The following MTFR1 variants were observed in gnomAD, a reference collection of about 807,000 sequenced individuals.
The protein encoded by MTFR1 is chondrocyte protein with a poly-proline region.
A neutral mutation model predicts 38.8 loss-of-function variants in MTFR1; 28 were observed. That is an observed-to-expected ratio of 0.72 (90% CI 0.53 to 0.99). MTFR1 has a LOEUF of 0.99. MTFR1 is among the 50% of genes least tolerant of loss of function. The probability of loss-of-function intolerance (pLI) is 0.00; values close to 1 mark genes in which losing one functional copy is unlikely to be tolerated. For synonymous variants in MTFR1, 145 were observed against 137.0 expected (o/e 1.06, Z -0.41); for missense variants, 358 against 395.5 (o/e 0.91, Z 0.81).
At chr8:65,703,724 C>T (rs1805692355) in intron 4 of MTFR1, among the ~76,000 whole-genome samples, 1 of 151,888 alleles carries the variant, frequency 6.6e-6, no homozygotes, top group Non-Finnish European at 1.5e-5. Context: ...TGTGAGCCAC[C>T]CCACCTGGCC....
At chr8:65,724,728 A>G (rs771069170) in intron 3 of MTFR1, 2 of 1,464,580 alleles carry the variant, frequency 1.4e-6, no homozygotes, top group South Asian at 2.5e-5. Context: ...TTAGTTTGAC[A>G]GTCACATAAT....
In MTFR1 at chr8:65,727,451, C is replaced by G. The variant is rs1806658853; in HGVS notation, c.*48+7970C>G. The G allele has an allele frequency of 2.8e-6, 3 of 1,077,494 alleles. No homozygotes were observed. The African/African-American group carries it at 4.7e-5, about 17-fold the overall frequency. The allele number at this position is 1,077,494 out of a possible 1,614,324, so 66.7% of individuals were successfully genotyped here. ...TCAGGTGGTTGTTCATTAGGTTCAC[C>G]AAGCACATCTGCCAGGTCCTGATCT... On this transcript the variant is annotated intron_variant, in intron 3 of 3. Coordinates refer to the MTFR1 transcript ENST00000521247.
intron 3 of MTFR1, among the ~76,000 whole-genome samples, chr8:65,733,576 C>T (rs903281062): frequency 2.6e-5 from 4 of 151,954 alleles, no homozygotes; most frequent in Admixed American, 6.6e-5. Context: ...GCCATGATCA[C>T]GCCACTGCAC....
intron 1 of MTFR1, among the ~76,000 whole-genome samples, chr8:65,655,406 T>C (rs2129047905): frequency 6.6e-6 from 1 of 152,328 alleles, no homozygotes; most frequent in South Asian, 2.1e-4. Flanking sequence ...TCATGAGATT[T>C]ATTCCCTTGT....
intron 3 of MTFR1, among the ~76,000 whole-genome samples, chr8:65,744,370 T>C (rs564732000): frequency 7.2e-5 from 11 of 152,348 alleles, no homozygotes; most frequent in Admixed American, 3.3e-4. Flanking sequence ...TGCCTAAGGT[T>C]TAGTGGTCCT....
rs568406500 is a variant in MTFR1, at chr8:65,743,014, A to G, written c.*48+23533A>G. Among the ~76,000 whole-genome samples, 11 of 152,358 alleles carry G rather than the reference A, an allele frequency of 7.2e-5. No homozygotes were observed. In the East Asian group the frequency reaches 1.7e-3, roughly 24 times the overall value. ...CTGAGCTCACGCCGCTTTCATCACCATGCCCCCAACTAGCAGAGTATGTAC... is the reference window on the plus strand; with the variant it reads ...CTGAGCTCACGCCGCTTTCATCACCGTGCCCCCAACTAGCAGAGTATGTAC... On this transcript the variant is annotated intron_variant, in intron 3 of 3. Coordinates refer to the MTFR1 transcript ENST00000521247.
chr8:65,687,465 CCTTCCAAG>C, intron 3 of MTFR1, among the ~76,000 whole-genome samples: 1 of 151,884 alleles, frequency 6.6e-6, no homozygotes, highest in Non-Finnish European at 1.5e-5. Context: ...CCTGCCTCAG[CCTTCCAAG>C]TAGCTGGGGC....
downstream of MTFR1, among the ~76,000 whole-genome samples, chr8:65,715,234 C>T (rs1167190043): frequency 6.6e-6 from 1 of 151,892 alleles, no homozygotes; most frequent in Non-Finnish European, 1.5e-5. Context: ...TAATATAGGT[C>T]GTATTTAAGT....
intron 4 of MTFR1, among the ~76,000 whole-genome samples, chr8:65,700,492 T>C (rs991716193): frequency 2.6e-5 from 4 of 152,140 alleles, no homozygotes; most frequent in Admixed American, 2.6e-4. Flanking sequence ...TAAGGCCTCA[T>C]TGTTTTTTCT....
At chr8:65,728,747 G>A (rs1315559826) in intron 3 of MTFR1, 3 of 152,068 alleles carry the variant, frequency 2.0e-5, no homozygotes, top group Non-Finnish European at 2.9e-5. Context: ...ATGCAAAGGG[G>A]TTACATTCTT....
intron 3 of MTFR1, among the ~76,000 whole-genome samples, chr8:65,729,611 T>G (rs1451450344): frequency 6.6e-6 from 1 of 152,146 alleles, no homozygotes; most frequent in Non-Finnish European, 1.5e-5. Context: ...ATGCCCAGCC[T>G]GGAGTGCAGT....
chr8:65,658,831 G>C (rs1275795019), intron 1 of MTFR1, among the ~76,000 whole-genome samples: 2 of 152,134 alleles, frequency 1.3e-5, no homozygotes, highest in African/African-American at 4.8e-5. Context: ...CTGCACTCTG[G>C]GGTAGTTTTG....
intron 3 of MTFR1, among the ~76,000 whole-genome samples, chr8:65,767,218 C>T (rs1000309679): frequency 6.6e-6 from 1 of 152,188 alleles, no homozygotes; most frequent in African/African-American, 2.4e-5. Flanking sequence ...AAACATGAAG[C>T]ATGAACCTCA....
chr8:65,761,945 C>T (rs146514725), intron 3 of MTFR1, among the ~76,000 whole-genome samples: 3 of 152,264 alleles, frequency 2.0e-5, no homozygotes, highest in Non-Finnish European at 4.4e-5. Context: ...TTTCCCACAA[C>T]CGATGTCACA....
intron 3 of MTFR1, among the ~76,000 whole-genome samples, chr8:65,729,364 C>CTTT (rs10540107): frequency 9.7e-4 from 78 of 80,060 alleles, no homozygotes; most frequent in South Asian, 3.7e-3. Context: ...TTGGTGGTAG[C>CTTT]TTTTTTTTTT....
chr8:65,683,961 T>C (rs1188398717), intron 3 of MTFR1, among the ~76,000 whole-genome samples: 1 of 152,228 alleles, frequency 6.6e-6, no homozygotes, highest in Non-Finnish European at 1.5e-5. Context: ...TTATGTTAAC[T>C]AAGTTTTATA....
intron 3 of MTFR1, among the ~76,000 whole-genome samples, chr8:65,743,282 A>T (rs572679001): frequency 1.3e-5 from 2 of 152,148 alleles, no homozygotes. Flanking sequence ...ATATTTCACT[A>T]CCTGTATTTT....
intron 3 of MTFR1, chr8:65,722,494 C>T (rs931533560): frequency 6.6e-6 from 1 of 152,238 alleles, no homozygotes; most frequent in Non-Finnish European, 1.5e-5. Flanking sequence ...ACTTTGGGCA[C>T]ATATTTCACT....
chr8:65,770,307 A>G (rs896375608), intron 3 of MTFR1, among the ~76,000 whole-genome samples: 14 of 152,202 alleles, frequency 9.2e-5, no homozygotes, highest in African/African-American at 3.4e-4. Context: ...GGTTTGATGG[A>G]CTCACAGTTC....
Sources: gnomAD v4.1 joint callset for allele counts (sites outside exome capture counted in the v4.1 genomes callset) on GRCh38, gnomAD v4.1.1 for gene constraint, MANE v1.5 for transcripts, NCBI Gene and HGNC (gene_info 2026-07-23, HGNC 2026-07-21) for gene names.